Variants in HAO1 observed in about 807,000 individuals in gnomAD.
The protein encoded by HAO1 is hydroxyacid oxidase 1.
Under a neutral mutation model 39.7 loss-of-function variants are expected in HAO1, and 34 were observed. The ratio of observed to expected loss-of-function variants is 0.86; its 90% confidence interval spans 0.65 to 1.14. The LOEUF is 1.14. HAO1 is among the 50% of genes most tolerant of loss of function. The pLI, the probability that HAO1 is intolerant of heterozygous loss-of-function variation, is 0.00. For missense variants in HAO1, 479 were observed against 464.5 expected (o/e 1.03, Z -0.29); for synonymous variants, 172 against 173.2 (o/e 0.99, Z 0.05).
At position 7,883,585 on chromosome 20, in the gene HAO1, G is replaced by A; in HGVS notation, c.*8C>T. 6.2e-7 allele frequency: 1 copy of A among 1,601,200 alleles called. No homozygotes were observed. Among genetic ancestry groups the A allele is most frequent in the Non-Finnish European group, 8.6e-7 (1 of 1,168,358 alleles). On this transcript the variant is annotated 3_prime_UTR_variant, in exon 8 of 8. Transcript: ENST00000378789. ...AAAATAATACAGATGGGAAAATATTGTGCACTGTCAGATCTTGGAAACGGC... is the reference window on the plus strand; with the variant it reads ...AAAATAATACAGATGGGAAAATATTATGCACTGTCAGATCTTGGAAACGGC...
chr20:7,918,638 G>C (rs768416972), intron 2 of HAO1, among the ~76,000 whole-genome samples: 10 of 152,196 alleles, frequency 6.6e-5, no homozygotes, highest in Non-Finnish European at 1.5e-4. Context: ...CACCCTGTTA[G>C]AGCGCTAGAG....
chr20:7,925,705 A>G lies in HAO1; in HGVS notation c.289+8779T>C, dbSNP rs1163069784. Among the ~76,000 whole-genome samples the G allele has an allele frequency of 2.0e-5, 3 of 152,134 alleles. No individual in the cohort carries two copies. The East Asian group carries it at 5.8e-4, about 29-fold the overall frequency. ...TAACAACTTCAGTGTTGGGATACAC[A>G]TGTGAGCCTCTGACTTTTTTCACTG... On this transcript the variant is annotated intron_variant, in intron 2 of 7. Transcript: ENST00000378789.
intron 3 of HAO1, among the ~76,000 whole-genome samples, chr20:7,910,809 C>A (rs1040963346): frequency 4.6e-5 from 7 of 152,160 alleles, no homozygotes; most frequent in Non-Finnish European, 1.0e-4. Context: ...TGAATGATTT[C>A]TTAACCAAAA....
chr20:7,933,064 CT>C (rs1365267444), intron 2 of HAO1, among the ~76,000 whole-genome samples: 3 of 152,036 alleles, frequency 2.0e-5, no homozygotes, highest in Non-Finnish European at 2.9e-5. Flanking sequence ...ATTTCCATGT[CT>C]TTGCTTATTA....
In HAO1 at chr20:7,914,412, C is replaced by G; in HGVS notation, c.297G>C (p.Gln99His). ...DGELATVRAC[Q>H]SLGTGMMLSS... is the part of the protein sequence containing the mutation. ...TCAACATCATGCCCGTTCCCAGGGA[C>G]TGACAGGCTGAGAAAGAAAGGGGAT... Residue 99 changes from glutamine to histidine, a missense_variant, in exon 3 of 8, where the codon CAG becomes CAC. Physicochemically the swap from Gln to His is conservative, Grantham distance 24. Coordinates refer to ENST00000378789, the MANE Select transcript of HAO1 (RefSeq NM_017545.3). 1 of 1,613,084 alleles carries G rather than the reference C, an allele frequency of 6.2e-7. No individual in the cohort carries two copies. Among genetic ancestry groups the G allele is most frequent in the Non-Finnish European group, 8.5e-7 (1 of 1,179,418 alleles).
chr20:7,922,708 G>A (rs1389455189), intron 2 of HAO1, among the ~76,000 whole-genome samples: 1 of 152,148 alleles, frequency 6.6e-6, no homozygotes, highest in Non-Finnish European at 1.5e-5. Flanking sequence ...GGGAGCTGCA[G>A]AGTGAGTCTA....
intron 4 of HAO1, among the ~76,000 whole-genome samples, chr20:7,901,631 G>A (rs944244367): frequency 1.3e-5 from 2 of 152,198 alleles, no homozygotes; most frequent in Non-Finnish European, 2.9e-5. Context: ...ATGTTTTTAT[G>A]CCTGTTAACA....
intron 3 of HAO1, among the ~76,000 whole-genome samples, chr20:7,908,730 G>T (rs1179728380): frequency 6.6e-6 from 1 of 152,148 alleles, no homozygotes; most frequent in African/African-American, 2.4e-5. Context: ...TTGGGCTTTG[G>T]TGGGGATTTT....
At chr20:7,931,904 C>T (rs113125806) in intron 2 of HAO1, among the ~76,000 whole-genome samples, 1,991 of 152,238 alleles carry the variant, frequency 0.013, 39 homozygotes, top group African/African-American at 0.043. Flanking sequence ...GCCCACAAAA[C>T]AGGGACAGAA....
rs1402383627 is a variant in HAO1 at position 7,885,700 on chromosome 20, A to G, written c.972+6T>C. ...ATTTTATATATTCATTTCTTTGTCC[A>G]GTTACCTGGAAAGCTAAGCCCCAAA... On this transcript the variant is annotated splice_donor_region_variant and intron_variant, in intron 6 of 7. Transcript: ENST00000378789. 6.2e-7 allele frequency: 1 copy of G among 1,608,954 alleles called. No homozygotes were observed. The highest frequency in any genetic ancestry group is 1.3e-5 in the African/African-American group (1 of 74,856).
chr20:7,912,240 G>A (rs1408866694), intron 3 of HAO1, among the ~76,000 whole-genome samples: 2 of 152,082 alleles, frequency 1.3e-5, no homozygotes, highest in Non-Finnish European at 2.9e-5. Context: ...AAGAAAAGGG[G>A]GGAAAGCAAA....
intron 5 of HAO1, among the ~76,000 whole-genome samples, chr20:7,893,267 C>T (rs1027910055): frequency 5.9e-5 from 9 of 152,142 alleles, no homozygotes; most frequent in African/African-American, 1.7e-4. Flanking sequence ...TTGATTCTAA[C>T]GGCCAAGCTT....
chr20:7,898,839 T>C (rs1201689867), intron 4 of HAO1, among the ~76,000 whole-genome samples: 1 of 151,982 alleles, frequency 6.6e-6, no homozygotes, highest in Non-Finnish European at 1.5e-5. Flanking sequence ...AAAACCTAGG[T>C]GTAGTCATAA....
At chr20:7,897,085 G>A (rs1333570114) in intron 4 of HAO1, among the ~76,000 whole-genome samples, 2 of 152,158 alleles carry the variant, frequency 1.3e-5, no homozygotes, top group South Asian at 2.1e-4. Context: ...ATGACAATTG[G>A]ATTGGGTATA....
At chr20:7,916,793 A>T in intron 2 of HAO1, among the ~76,000 whole-genome samples, 1 of 152,204 alleles carries the variant, frequency 6.6e-6, no homozygotes, top group Admixed American at 6.5e-5. Context: ...GTTGGAGGTC[A>T]TCATGTCTAT....
chr20:7,888,010 A>T (rs2050157886), intron 5 of HAO1, among the ~76,000 whole-genome samples: 1 of 152,142 alleles, frequency 6.6e-6, no homozygotes, highest in African/African-American at 2.4e-5. Context: ...GTCCCTGTTT[A>T]TGTTTCCCTC....
At chr20:7,893,350 A>T (rs2050182684) in intron 5 of HAO1, among the ~76,000 whole-genome samples, 1 of 152,184 alleles carries the variant, frequency 6.6e-6, no homozygotes, top group Non-Finnish European at 1.5e-5. Context: ...TTTTGAAACA[A>T]AGATGATAAC....
At chr20:7,915,316 A>G (rs2050301844) in intron 2 of HAO1, among the ~76,000 whole-genome samples, 1 of 152,012 alleles carries the variant, frequency 6.6e-6, no homozygotes, top group Non-Finnish European at 1.5e-5. Flanking sequence ...AATCAGCTCA[A>G]GGCCTTAAAA....
At chr20:7,912,594 A>C (rs1375189992) in intron 3 of HAO1, among the ~76,000 whole-genome samples, 1 of 149,688 alleles carries the variant, frequency 6.7e-6, no homozygotes, top group East Asian at 2.0e-4. Flanking sequence ...AAAAAAAAAA[A>C]GTAGTCAAAA....
Sources: allele counts gnomAD v4.1 joint callset (sites outside exome capture counted in the v4.1 genomes callset), GRCh38; gene constraint gnomAD v4.1.1; transcripts MANE v1.5; gene names NCBI Gene and HGNC (gene_info 2026-07-23, HGNC 2026-07-21).